The following SENP7 variants were observed in gnomAD, a reference collection of about 807,000 sequenced individuals.
SENP7 encodes SUMO specific peptidase 7.
SENP7 carries 64 observed loss-of-function variants against 141.2 expected under a neutral mutation model. That is an observed-to-expected ratio of 0.45 (90% CI 0.37 to 0.56). SENP7 has a LOEUF of 0.56. SENP7 is among the 20% of genes least tolerant of loss of function. The pLI is 0.00. For synonymous variants in SENP7, 382 were observed against 426.4 expected (o/e 0.90, Z 1.28); for missense variants, 1,025 against 1,212.2 (o/e 0.85, Z 2.29).
At chr3:101,414,193 G>A (rs7630419) in intron 5 of SENP7, 247,563 of 583,048 alleles carry the variant, frequency 0.42, 53,368 homozygotes, top group Admixed American at 0.57. Context: ...ATATATGGCC[G>A]CACAGCATGG....
chr3:101,383,943 G>A (rs1242818016), intron 6 of SENP7, among the ~76,000 whole-genome samples: 7 of 152,210 alleles, frequency 4.6e-5, no homozygotes, highest in African/African-American at 1.4e-4. Context: ...GACAACTTAT[G>A]GTGCTTTCTC....
rs2058887109 is a variant in SENP7 at position 101,325,909 on chromosome 3, TA to T, written c.*33del. The T allele has an allele frequency of 6.5e-7, 1 of 1,546,150 alleles. No homozygotes were observed. The highest frequency in any genetic ancestry group is 8.7e-7 in the Non-Finnish European group (1 of 1,148,360). ...CTGGTAAGAGGCTTTCCAGTAATCT[TA>T]GAGAACATCTGTGTCATGTTTGTAC... is the stretch of plus-strand genomic sequence containing the variant. On this transcript the variant is annotated 3_prime_UTR_variant, in exon 24 of 24. Transcript: ENST00000394095.
At chr3:101,358,863 G>C (rs2059816748) in intron 11 of SENP7, 1 of 153,414 alleles carries the variant, frequency 6.5e-6, no homozygotes, top group South Asian at 2.1e-4. Context: ...TCAAACTCCT[G>C]ACCTCAGATG....
At chr3:101,383,542 A>C (rs9875181) in intron 6 of SENP7, among the ~76,000 whole-genome samples, 60,365 of 151,954 alleles carry the variant, frequency 0.4, 12,505 homozygotes, top group Admixed American at 0.54. Flanking sequence ...GCCCCCGCAC[A>C]CTCAGAAGTG....
At chr3:101,368,976 C>T (rs912527190) in intron 7 of SENP7, among the ~76,000 whole-genome samples, 1 of 152,068 alleles carries the variant, frequency 6.6e-6, no homozygotes, top group Non-Finnish European at 1.5e-5. Context: ...AATTTACTTG[C>T]CAGTTTATTT....
At chr3:101,457,609 C>T (rs2063397435) in intron 4 of SENP7, 1 of 1,573,108 alleles carries the variant, frequency 6.4e-7, no homozygotes, top group Non-Finnish European at 8.7e-7. Flanking sequence ...AGTTTTTTAT[C>T]ATCTGCTGTG....
Position 101,361,755 on chromosome 3 carries a change from T to C in SENP7, c.1583A>G (p.Tyr528Cys), listed in dbSNP as rs751650450. The C allele has an allele frequency of 1.3e-6, 2 of 1,596,966 alleles. No homozygotes were observed. Among genetic ancestry groups the C allele is most frequent in the Admixed American group, 1.8e-5 (1 of 56,686 alleles). The change falls in exon 11 of 24, where the codon TAT (tyrosine) becomes TGT (cysteine). Residue 528 changes from tyrosine to cysteine, a missense_variant. This residue lies in a region of SENP7 where 228 missense variants were observed against 228.5 expected (regional missense o/e 1.00). Coordinates refer to ENST00000394095, the MANE Select transcript of SENP7 (RefSeq NM_020654.5). The part of the protein sequence containing the change: ...LQLDFIFTSV[Y>C]IGKIKGASKG... ...AGAAGCTCCTTTTATTTTACCAATA[T>C]AAACAGAAGTAAATATAAAATCCAG...
intron 7 of SENP7, 45 bp from the exon 8 acceptor site, chr3:101,368,056 G>C (rs749356310): frequency 6.8e-6 from 10 of 1,475,968 alleles, no homozygotes; most frequent in South Asian, 1.2e-5. Flanking sequence ...AAAGTATAGA[G>C]AGAATCTCTT....
chr3:101,370,152 A>G (rs917365396), intron 7 of SENP7, among the ~76,000 whole-genome samples: 1 of 152,220 alleles, frequency 6.6e-6, no homozygotes, highest in African/African-American at 2.4e-5. Context: ...GGGATACTGA[A>G]AAACTAAAAA....
intron 2 of SENP7, among the ~76,000 whole-genome samples, chr3:101,494,979 A>T (rs2065107067): frequency 6.6e-6 from 1 of 152,224 alleles, no homozygotes; most frequent in South Asian, 2.1e-4. Context: ...TCTGCACAGC[A>T]AAAGAGTGAA....
chr3:101,443,991 A>T (rs1330133984), intron 4 of SENP7, among the ~76,000 whole-genome samples: 1 of 149,350 alleles, frequency 6.7e-6, no homozygotes, highest in African/African-American at 2.5e-5. Context: ...CAACCTACTC[A>T]TCTGACAAAG....
chr3:101,504,202 G>A (rs1354132203), intron 1 of SENP7, among the ~76,000 whole-genome samples: 1 of 151,642 alleles, frequency 6.6e-6, no homozygotes, highest in African/African-American at 2.4e-5. Flanking sequence ...TGTAATCCCA[G>A]CACTAATGGG....
chr3:101,430,391 C>G (rs1346282480), intron 4 of SENP7, among the ~76,000 whole-genome samples: 1 of 152,094 alleles, frequency 6.6e-6, no homozygotes, highest in Admixed American at 6.5e-5. Flanking sequence ...TTCAGAGATT[C>G]AATTTCTTCC....
intron 11 of SENP7, among the ~76,000 whole-genome samples, chr3:101,356,346 GATC>G (rs2059742679): frequency 6.6e-6 from 1 of 152,052 alleles, no homozygotes; most frequent in South Asian, 2.1e-4. Flanking sequence ...AGCAACAATT[GATC>G]ATATGCTTTC....
intron 3 of SENP7, among the ~76,000 whole-genome samples, chr3:101,471,701 C>A (rs1225371106): frequency 6.6e-6 from 1 of 152,184 alleles, no homozygotes; most frequent in Non-Finnish European, 1.5e-5. Context: ...AAACTACCAT[C>A]AGCGTGAACA....
chr3:101,434,508 C>T (rs1361495388), intron 4 of SENP7, among the ~76,000 whole-genome samples: 5 of 151,602 alleles, frequency 3.3e-5, no homozygotes, highest in African/African-American at 1.2e-4. Flanking sequence ...AAAGTTAAAA[C>T]AAAATTGACC....
At chr3:101,473,434 G>A (rs1396689970) in intron 3 of SENP7, among the ~76,000 whole-genome samples, 3 of 152,124 alleles carry the variant, frequency 2.0e-5, no homozygotes, top group African/African-American at 7.2e-5. Flanking sequence ...ATTTTGACTA[G>A]TGTGAGATGG....
intron 6 of SENP7, among the ~76,000 whole-genome samples, chr3:101,398,219 G>A (rs1489984602): frequency 6.6e-6 from 1 of 152,192 alleles, no homozygotes; most frequent in Non-Finnish European, 1.5e-5. Flanking sequence ...CAGCCCTTTG[G>A]GAGGCTGAAG....
intron 1 of SENP7, among the ~76,000 whole-genome samples, chr3:101,504,324 T>G (rs1235521898): frequency 6.6e-6 from 1 of 151,458 alleles, no homozygotes; most frequent in Non-Finnish European, 1.5e-5. Context: ...CTGGGTGTAG[T>G]GGCAGGTGCC....
Sources: allele counts gnomAD v4.1 joint callset (sites outside exome capture counted in the v4.1 genomes callset), GRCh38; gene constraint gnomAD v4.1.1; regional missense constraint gnomAD v4.1.1; transcripts MANE v1.5; gene names NCBI Gene and HGNC (gene_info 2026-07-23, HGNC 2026-07-21).